The following SLC31A1 variants were observed in gnomAD, a reference collection of about 807,000 sequenced individuals.
SLC31A1 encodes solute carrier family 31 member 1, also known as high affinity copper uptake protein 1.
SLC31A1 carries 5 observed loss-of-function variants against 17.2 expected under a neutral mutation model. That is an observed-to-expected ratio of 0.29 (90% CI 0.15 to 0.61). The LOEUF is 0.61. SLC31A1 is among the 20% of genes least tolerant of loss of function. The pLI, the probability that SLC31A1 is intolerant of heterozygous loss-of-function variation, is 0.86. For synonymous variants in SLC31A1, 76 were observed against 78.8 expected, an observed-to-expected ratio of 0.96 and a Z score of 0.19; for missense variants, 161 against 241.4, an observed-to-expected ratio of 0.67 and a Z score of 2.21.
Position 113,264,196 on chromosome 9 carries a change from C to T in SLC31A1, c.*3723C>T. 6.6e-6 allele frequency: 1 copy of T among 152,146 alleles called. No individual in the cohort carries two copies. Among genetic ancestry groups the T allele is most frequent in the Non-Finnish European group, 1.5e-5 (1 of 68,040 alleles). 9.4% of individuals were successfully genotyped at this position (152,146 alleles called of 1,614,324 possible). ...GGGCGTGGTGGTGCATGCCTGTAAT[C>T]CCAGCTACTCGGGAGGCTGAGGCAG... On this transcript the variant is annotated 3_prime_UTR_variant, in exon 5 of 5. Coordinates refer to ENST00000374212, the MANE Select transcript of SLC31A1 (RefSeq NM_001859.4).
intron 1 of SLC31A1, among the ~76,000 whole-genome samples, chr9:113,248,946 C>T (rs1246800929): frequency 1.3e-5 from 2 of 152,082 alleles, no homozygotes; most frequent in South Asian, 2.1e-4. Flanking sequence ...TCTTTTATCC[C>T]CTAATATTCC....
At chr9:113,232,309 A>T (rs1831409827) in intron 1 of SLC31A1, among the ~76,000 whole-genome samples, 1 of 152,162 alleles carries the variant, frequency 6.6e-6, no homozygotes, top group Non-Finnish European at 1.5e-5. Context: ...TCCTTCCCAA[A>T]ATCCTAGTGA....
chr9:113,259,588 T>C (rs1831768002), intron 4 of SLC31A1, among the ~76,000 whole-genome samples: 1 of 149,042 alleles, frequency 6.7e-6, no homozygotes, highest in Non-Finnish European at 1.5e-5. Flanking sequence ...TCTTTCTTTT[T>C]TTTTTTTTTT....
chr9:113,250,299 C>T lies in SLC31A1; in HGVS notation c.-35-5815C>T, dbSNP rs1201956458. 1.6e-3 allele frequency among the ~76,000 whole-genome samples: 202 copies of T among 124,892 alleles called. 4 individuals are homozygous for T. The highest frequency in any genetic ancestry group is 5.6e-3 in the African/African-American group (188 of 33,702). The allele number at this position is 124,892 out of a possible 152,430, so 81.9% of individuals were successfully genotyped here. ...AACCCAAATGTCCAAAAATGATAGA[C>T]TGGATTAAGAAAATGTGGCACATAT... is the stretch of plus-strand genomic sequence containing the variant. On this transcript the variant is annotated intron_variant, in intron 1 of 4. Transcript: ENST00000374212.
chr9:113,251,840 G>T (rs1418557471), intron 1 of SLC31A1, among the ~76,000 whole-genome samples: 2 of 152,180 alleles, frequency 1.3e-5, no homozygotes, highest in Admixed American at 6.6e-5. Flanking sequence ...GGACTTATCA[G>T]GATTGGTTTG....
chr9:113,233,959 A>G (rs1372789055), intron 1 of SLC31A1, among the ~76,000 whole-genome samples: 2 of 152,138 alleles, frequency 1.3e-5, no homozygotes, highest in African/African-American at 4.8e-5. Flanking sequence ...TATACAGTGT[A>G]TTGTTGTTGA....
intron 2 of SLC31A1, chr9:113,256,512 C>T (rs150704050): frequency 1.7e-5 from 7 of 420,172 alleles, no homozygotes; most frequent in East Asian, 4.3e-5. Flanking sequence ...CTTCTGAAAT[C>T]GACTCTTTTC....
At chr9:113,246,963 T>C (rs1831587751) in intron 1 of SLC31A1, among the ~76,000 whole-genome samples, 1 of 152,266 alleles carries the variant, frequency 6.6e-6, no homozygotes, top group East Asian at 1.9e-4. Flanking sequence ...AATTCACCTA[T>C]AGGGGCAATC....
chr9:113,244,029 C>T (rs1831551063), intron 1 of SLC31A1, among the ~76,000 whole-genome samples: 1 of 151,802 alleles, frequency 6.6e-6, no homozygotes, highest in Non-Finnish European at 1.5e-5. Flanking sequence ...GTGGTGGGCA[C>T]CTGTAATCCC....
At position 113,257,897 on chromosome 9, in the gene SLC31A1, A is replaced by G. The variant is rs577307603; in HGVS notation, c.202+712A>G. 2.6e-5 allele frequency among the ~76,000 whole-genome samples: 4 copies of G among 152,352 alleles called. No individual in the cohort carries two copies. The South Asian group carries it at 6.2e-4, about 24-fold the overall frequency. On this transcript the variant is annotated intron_variant, in intron 3 of 4. Transcript: ENST00000374212. Reference sequence around the variant, plus strand: ...ATTGTTCTAATACTTCAATTTTACAATAAATTAAGTGCCACAAATTGTGAA... The same window carrying G: ...ATTGTTCTAATACTTCAATTTTACAGTAAATTAAGTGCCACAAATTGTGAA...
intron 1 of SLC31A1, among the ~76,000 whole-genome samples, chr9:113,243,233 T>G: frequency 6.6e-6 from 1 of 152,226 alleles, no homozygotes; most frequent in East Asian, 1.9e-4. Flanking sequence ...AAACTAATTC[T>G]TTGCCTTTAT....
intron 2 of SLC31A1, 183 bp downstream of exon 2, chr9:113,256,460 C>A: frequency 8.7e-6 from 5 of 572,590 alleles, no homozygotes; most frequent in East Asian, 3.1e-5. Context: ...CTTACAGAGT[C>A]ACACCAGAAC....
chr9:113,228,225 C>G (rs539008839), intron 1 of SLC31A1, among the ~76,000 whole-genome samples: 1 of 152,262 alleles, frequency 6.6e-6, no homozygotes, highest in African/African-American at 2.4e-5. Context: ...ATCTAGAAAA[C>G]ACTGAAATTG....
At chr9:113,250,896 C>A (rs908767837) in intron 1 of SLC31A1, among the ~76,000 whole-genome samples, 3 of 151,980 alleles carry the variant, frequency 2.0e-5, no homozygotes, top group African/African-American at 7.3e-5. Context: ...GGAATGGATT[C>A]GTTCCTGCAA....
At position 113,248,866 on chromosome 9, in the gene SLC31A1, A is replaced by G. The variant is rs74744636; in HGVS notation, c.-35-7248A>G. ...TCTTAATAAAGTCAAGTGAGGAGAG[A>G]AACCCAGCTAATATTTTGATTAATG... On this transcript the variant is annotated intron_variant, in intron 1 of 4. Transcript: ENST00000374212. 1.0e-3 allele frequency among the ~76,000 whole-genome samples: 157 copies of G among 152,310 alleles called. No homozygotes were observed. In the East Asian group the frequency reaches 0.025, roughly 24 times the overall value.
At chr9:113,222,329 G>T (rs951037571) in intron 1 of SLC31A1, among the ~76,000 whole-genome samples, 1 of 152,166 alleles carries the variant, frequency 6.6e-6, no homozygotes, top group African/African-American at 2.4e-5. Context: ...CCCCAACTTT[G>T]GCGTGGGTTT....
At chr9:113,254,184 C>T (rs985113945) in intron 1 of SLC31A1, among the ~76,000 whole-genome samples, 1 of 151,718 alleles carries the variant, frequency 6.6e-6, no homozygotes, top group Non-Finnish European at 1.5e-5. Context: ...GAACTCCTGG[C>T]CTCAAGTGAT....
At chr9:113,225,308 C>T (rs1831328496) in intron 1 of SLC31A1, among the ~76,000 whole-genome samples, 1 of 152,156 alleles carries the variant, frequency 6.6e-6, no homozygotes, top group Non-Finnish European at 1.5e-5. Flanking sequence ...AAAAGGAATC[C>T]AGGACCATAT....
chr9:113,230,398 C>T (rs552071960), intron 1 of SLC31A1, among the ~76,000 whole-genome samples: 2 of 152,286 alleles, frequency 1.3e-5, no homozygotes, highest in African/African-American at 4.8e-5. Flanking sequence ...GCTGAGACTA[C>T]AGGCATGCAT....
Sources: allele counts gnomAD v4.1 joint callset (sites outside exome capture counted in the v4.1 genomes callset), GRCh38; gene constraint gnomAD v4.1.1; transcripts MANE v1.5; gene names NCBI Gene and HGNC (gene_info 2026-07-23, HGNC 2026-07-21).